The following SP140 variants were observed in gnomAD, a reference collection of about 807,000 sequenced individuals.
SP140 encodes nuclear body protein SP140.
In SP140, 81 loss-of-function variants were observed where a neutral mutation model predicts 125.0. The observed-to-expected ratio is 0.65, with a 90% CI of 0.54 to 0.78. SP140 has a LOEUF of 0.78. Among genes scored for constraint, SP140 ranks in the 30% least tolerant of loss-of-function variants. The pLI is 0.00. For missense variants in SP140, 858 were observed against 1,037.0 expected, an observed-to-expected ratio of 0.83 and a Z score of 2.37; for synonymous variants, 312 against 354.0, an observed-to-expected ratio of 0.88 and a Z score of 1.33.
At chr2:230,297,950 A>G (rs1212632314) in intron 22 of SP140, among the ~76,000 whole-genome samples, 1 of 152,248 alleles carries the variant, frequency 6.6e-6, no homozygotes, top group Non-Finnish European at 1.5e-5. Flanking sequence ...ATTATGTTCC[A>G]GGTGTTGATC....
At chr2:230,256,453 C>G (rs1183435162) in intron 12 of SP140, among the ~76,000 whole-genome samples, 1 of 143,984 alleles carries the variant, frequency 6.9e-6, no homozygotes, top group Non-Finnish European at 1.5e-5. Context: ...TGTTCTCACT[C>G]ATAGGTGGGA....
chr2:230,253,513 T>A, intron 11 of SP140, 96 bp downstream of exon 11: 1 of 876,304 alleles, frequency 1.1e-6, no homozygotes, highest in Non-Finnish European at 1.9e-6. Flanking sequence ...TACCCTTCTC[T>A]TCTTCACATT....
intron 20 of SP140, among the ~76,000 whole-genome samples, chr2:230,293,644 G>A (rs1381543864): frequency 2.0e-5 from 3 of 152,102 alleles, no homozygotes; most frequent in African/African-American, 4.8e-5. Flanking sequence ...CCATAAAACA[G>A]TATTTTAGAC....
intron 1 of SP140, among the ~76,000 whole-genome samples, chr2:230,231,157 G>A (rs575193692): frequency 5.9e-5 from 9 of 152,152 alleles, no homozygotes; most frequent in Non-Finnish European, 8.8e-5. Flanking sequence ...CTGTTCATGC[G>A]TATTGTGTGC....
At position 230,237,443 on chromosome 2, in the gene SP140, G is replaced by C. The variant is rs2048155933; in HGVS notation, c.237+183G>C. On this transcript the variant is annotated intron_variant, in intron 2 of 26. Coordinates refer to ENST00000392045, the MANE Select transcript of SP140 (RefSeq NM_007237.5). This position sits in a 1 kb window ranked among gnomAD's most constrained non-coding sequence, Gnocchi z 5.4. The stretch of plus-strand genomic sequence containing the variant: ...TCCCTTCTTCTGTAGTAAATGTTGG[G>C]GGAGGGCCACAGTGAGGGAGGTGGG... The C allele has an allele frequency of 3.6e-6, 2 of 559,828 alleles. No individual in the cohort carries two copies. The highest frequency in any genetic ancestry group is 1.9e-5 in the African/African-American group (1 of 52,184). The allele number at this position is 559,828 out of a possible 1,614,324, so 34.7% of individuals were successfully genotyped here.
At position 230,269,849 on chromosome 2, in the gene SP140, C is replaced by T. The variant is rs1326608474; in HGVS notation, c.1340C>T (p.Ser447Leu). 11 of 1,613,680 alleles carry T rather than the reference C, an allele frequency of 6.8e-6. No homozygotes were observed. The highest frequency in any genetic ancestry group is 3.3e-5 in the Admixed American group (2 of 60,002). ...LYDNVPGAEQ[S>L]AYENEKCSCV... Reference sequence around the variant, plus strand: ...AATTTTGGCCCAGGAGCGGAGCAATCAGCATATGAAAATGAGAAGTGTTCC... The same window carrying T: ...AATTTTGGCCCAGGAGCGGAGCAATTAGCATATGAAAATGAGAAGTGTTCC... The change falls in exon 14 of 27, where the codon TCA becomes TTA. Residue 447 changes from serine (S) to leucine (L), a missense_variant. Physicochemically the swap from Ser to Leu is moderately radical, Grantham distance 145. Around this residue, in one of 4 missense-constraint regions of SP140, gnomAD observed 791 missense variants for 869.5 expected, o/e 0.91. Coordinates refer to ENST00000392045, the MANE Select transcript of SP140 (RefSeq NM_007237.5).
chr2:230,316,463 A>T (rs1194759878), downstream of SP140, among the ~76,000 whole-genome samples: 2 of 152,214 alleles, frequency 1.3e-5, no homozygotes, highest in Non-Finnish European at 2.9e-5. Context: ...GACAGGGAGT[A>T]GGGAGGCAGT....
chr2:230,307,988 T>TATATATATATAC (rs1553607408), intron 22 of SP140, among the ~76,000 whole-genome samples: 1 of 74,450 alleles, frequency 1.3e-5, no homozygotes, highest in African/African-American at 5.9e-5. Context: ...TATATATATA[T>TATATATATATAC]ATACACACAC....
chr2:230,225,150 AT>A (rs1469730483), upstream of SP140, among the ~76,000 whole-genome samples: 1 of 152,096 alleles, frequency 6.6e-6, no homozygotes. Context: ...GTTGAAGCTC[AT>A]TTTTTTCCCA....
At chr2:230,194,612 CACAT>C in the SP140 span, among the ~76,000 whole-genome samples, 1 of 152,136 alleles carries the variant, frequency 6.6e-6, no homozygotes, top group Non-Finnish European at 1.5e-5. Flanking sequence ...CTGGAGTAGA[CACAT>C]GCATGCAGGC....
intron 18 of SP140, among the ~76,000 whole-genome samples, chr2:230,290,010 TA>T (rs1365702613): frequency 1.3e-5 from 2 of 152,074 alleles, no homozygotes; most frequent in African/African-American, 4.8e-5. Context: ...TCATCTCCAT[TA>T]GGTTATCCCA....
At chr2:230,310,100 C>T (rs2059197362) in intron 23 of SP140, 61 bp downstream of exon 23, 1 of 1,515,664 alleles carries the variant, frequency 6.6e-7, no homozygotes, top group Non-Finnish European at 9.1e-7. Context: ...CTGCCATGCG[C>T]ACTCTCCAGC....
In SP140 at chr2:230,285,773, A is replaced by G. The variant is rs2056301073; in HGVS notation, c.1586A>G (p.Gln529Arg). The G allele has an allele frequency of 6.2e-7, 1 of 1,613,692 alleles. No individual in the cohort carries two copies. The highest frequency in any genetic ancestry group is 8.5e-7 in the Non-Finnish European group (1 of 1,179,720). The change falls in exon 17 of 27, where the codon CAG becomes CGG. Residue 529 changes from glutamine (Q) to arginine (R), a missense_variant. Around this residue, in one of 4 missense-constraint regions of SP140, gnomAD observed 791 missense variants for 869.5 expected, o/e 0.91. Transcript: ENST00000392045. Reference protein sequence around the residue: ...QQNDNSKADGQVVSSEKKANV... With the variant: ...QQNDNSKADGRVVSSEKKANV... ...CCAGATAATAGCAAAGCCGACGGCC[A>G]GGTGGTCTCCAGTGAAAAGAAGGCG...
chr2:230,295,546 G>C (rs757730021), intron 21 of SP140, among the ~76,000 whole-genome samples: 5 of 152,192 alleles, frequency 3.3e-5, no homozygotes, highest in Non-Finnish European at 5.9e-5. Flanking sequence ...GCAGCGACAA[G>C]GTGCAGTTGC....
chr2:230,269,732 A>G (rs999693788), intron 13 of SP140, 105 bp from the exon 14 acceptor site: 3 of 1,084,612 alleles, frequency 2.8e-6, no homozygotes, highest in African/African-American at 3.2e-5. Context: ...CAGTGAAAGG[A>G]GAAGATTTCA....
upstream of SP140, among the ~76,000 whole-genome samples, chr2:230,198,360 A>G (rs950451753): frequency 1.3e-5 from 2 of 152,134 alleles, no homozygotes; most frequent in Non-Finnish European, 2.9e-5. Flanking sequence ...GGAGCTTTCC[A>G]AGTGTCTGGG....
chr2:230,241,846 A>G (rs900420746), intron 4 of SP140, among the ~76,000 whole-genome samples: 1 of 152,216 alleles, frequency 6.6e-6, no homozygotes, highest in Non-Finnish European at 1.5e-5. Context: ...AATTAATTTC[A>G]TAGAACTATT....
At chr2:230,221,854 T>G (rs2045847501), upstream of SP140, 7 of 894,766 alleles carry the variant, frequency 7.8e-6, no homozygotes, top group Non-Finnish European at 1.2e-5. Flanking sequence ...GAAAATAAAG[T>G]CAATGTCAAA....
intron 1 of SP140, among the ~76,000 whole-genome samples, chr2:230,229,663 TTCA>T: frequency 6.6e-6 from 1 of 151,834 alleles, no homozygotes; most frequent in South Asian, 2.1e-4. Context: ...GAGACGGGAT[TTCA>T]CCATGTTAGC....
Sources: gnomAD v4.1 joint callset for allele counts (sites outside exome capture counted in the v4.1 genomes callset) on GRCh38, gnomAD v4.1.1 for gene constraint, gnomAD v4.1.1 regional missense constraint, Gnocchi (gnomAD v3.1) non-coding constraint, MANE v1.5 for transcripts, NCBI Gene and HGNC (gene_info 2026-07-23, HGNC 2026-07-21) for gene names.